The following NFIA variants were observed in gnomAD, a reference collection of about 807,000 sequenced individuals.
The protein encoded by NFIA is nuclear factor I A, also known as nuclear factor 1 A-type.
In NFIA, 8 loss-of-function variants were observed where a neutral mutation model predicts 62.8. The ratio of observed to expected loss-of-function variants is 0.13; its 90% CI spans 0.07 to 0.23. NFIA has a LOEUF of 0.23. NFIA is among the 10% of genes least tolerant of loss of function. NFIA has a pLI of 1.00. For synonymous variants in NFIA, 235 were observed against 238.1 expected, an observed-to-expected ratio of 0.99 and a Z score of 0.12; for missense variants, 410 against 642.1, an observed-to-expected ratio of 0.64 and a Z score of 3.91.
intron 6 of NFIA, among the ~76,000 whole-genome samples, chr1:61,372,484 TAGAC>T (rs1176746953): frequency 3.4e-4 from 51 of 152,100 alleles, no homozygotes; most frequent in East Asian, 7.7e-4. Flanking sequence ...TTAACATAAT[TAGAC>T]AGACACCATC....
At chr1:61,285,494 G>T (rs1353752583) in intron 3 of NFIA, among the ~76,000 whole-genome samples, 1 of 152,170 alleles carries the variant, frequency 6.6e-6, no homozygotes, top group Non-Finnish European at 1.5e-5. Context: ...AATCCAGATT[G>T]ATTAGTTGCC....
chr1:61,250,031 G>A (rs1364047975), intron 2 of NFIA: 2 of 152,162 alleles, frequency 1.3e-5, no homozygotes. Flanking sequence ...TGCACAGAAA[G>A]CATATGGAAG....
chr1:61,157,368 A>T (rs894704873), intron 2 of NFIA, among the ~76,000 whole-genome samples: 1 of 152,180 alleles, frequency 6.6e-6, no homozygotes, highest in African/African-American at 2.4e-5. Flanking sequence ...GGTGATGTTT[A>T]CAACAGTTCA....
intron 2 of NFIA, among the ~76,000 whole-genome samples, chr1:61,092,791 G>C (rs1175491082): frequency 6.6e-6 from 1 of 152,166 alleles, no homozygotes; most frequent in Non-Finnish European, 1.5e-5. Context: ...TATGCAGATA[G>C]ACCAGATGGT....
At chr1:61,139,878 CAAA>C (rs35520094) in intron 2 of NFIA, among the ~76,000 whole-genome samples, 2 of 74,118 alleles carry the variant, frequency 2.7e-5, no homozygotes, top group African/African-American at 4.9e-5. Flanking sequence ...GGGAATTTAC[CAAA>C]AAAAAAAAAA....
chr1:61,385,003 G>A (rs369278236), intron 7 of NFIA, among the ~76,000 whole-genome samples: 6 of 152,084 alleles, frequency 3.9e-5, no homozygotes, highest in South Asian at 2.1e-4. Flanking sequence ...AGGCCAAGGC[G>A]GGCAGATCAC....
intron 2 of NFIA, among the ~76,000 whole-genome samples, chr1:61,183,610 C>T (rs1310953461): frequency 1.3e-5 from 2 of 152,192 alleles, no homozygotes; most frequent in Non-Finnish European, 2.9e-5. Context: ...GCACTTGCTC[C>T]TTTGGCCCCC....
rs1168418711 is a variant in NFIA, at chr1:61,225,142, T to C, written c.560-52378T>C. On this transcript the variant is annotated intron_variant, in intron 2 of 10. Transcript: ENST00000403491. ...TCACTTATATATTTTGTTTTTTGTT[T>C]TTTTAAAAAACAAAAAAAAAAGTCT... Among the ~76,000 whole-genome samples, 3 of 151,248 alleles carry C rather than the reference T, an allele frequency of 2.0e-5. No homozygotes were observed. The South Asian group carries it at 6.2e-4, about 31-fold the overall frequency.
intron 2 of NFIA, among the ~76,000 whole-genome samples, chr1:61,183,935 G>GTCCTGACA (rs544288738): frequency 6.3e-4 from 96 of 152,026 alleles, no homozygotes; most frequent in African/African-American, 2.3e-3. Flanking sequence ...AAGAGAGGAC[G>GTCCTGACA]TCCTGACATT....
Position 61,399,873 on chromosome 1 carries a change from A to G in NFIA, c.1076-4231A>G, listed in dbSNP as rs898129581. On this transcript the variant is annotated intron_variant, in intron 7 of 10. Coordinates refer to ENST00000403491, the MANE Select transcript of NFIA (RefSeq NM_001134673.4). ...CAGACCAAGAATCACTGGTTGTATT[A>G]TAGAAGTCTTGCAACATATCCAATA... Among the ~76,000 whole-genome samples, 13 of 152,360 alleles carry G rather than the reference A, an allele frequency of 8.5e-5. No individual in the cohort carries two copies. In the South Asian group the frequency reaches 1.7e-3, roughly 19 times the overall value.
At chr1:61,135,314 T>C (rs1361125715) in intron 2 of NFIA, among the ~76,000 whole-genome samples, 1 of 152,266 alleles carries the variant, frequency 6.6e-6, no homozygotes, top group Non-Finnish European at 1.5e-5. Flanking sequence ...AAGGTCGTGC[T>C]ACTGGGTTCT....
At chr1:61,278,412 C>G (rs17121907) in intron 3 of NFIA, among the ~76,000 whole-genome samples, 7,325 of 152,118 alleles carry the variant, frequency 0.048, 580 homozygotes, top group African/African-American at 0.16. Context: ...CCAAAATGTT[C>G]TTCTTTGCTG....
At chr1:61,315,683 T>G (rs1660332117) in intron 3 of NFIA, among the ~76,000 whole-genome samples, 1 of 152,124 alleles carries the variant, frequency 6.6e-6, no homozygotes, top group African/African-American at 2.4e-5. Context: ...AGGCACTCAT[T>G]GGAATTCATG....
intron 2 of NFIA, among the ~76,000 whole-genome samples, chr1:61,179,043 C>T (rs570444080): frequency 5.3e-5 from 8 of 152,326 alleles, no homozygotes; most frequent in Non-Finnish European, 1.0e-4. Context: ...GTCCCCTGCC[C>T]TTTCAGCCTG....
chr1:61,270,851 C>T (rs1327905502), intron 2 of NFIA, among the ~76,000 whole-genome samples: 1 of 152,100 alleles, frequency 6.6e-6, no homozygotes, highest in Non-Finnish European at 1.5e-5. Flanking sequence ...CAGCAGGCAC[C>T]GCTGTGAACA....
intron 9 of NFIA, among the ~76,000 whole-genome samples, chr1:61,408,603 A>G (rs1665958854): frequency 6.6e-6 from 1 of 152,180 alleles, no homozygotes; most frequent in Non-Finnish European, 1.5e-5. Context: ...CCGTGGAAAC[A>G]GATCCTCACC....
At chr1:61,096,778 C>G (rs553728803) in intron 2 of NFIA, among the ~76,000 whole-genome samples, 2 of 150,902 alleles carry the variant, frequency 1.3e-5, no homozygotes, top group Non-Finnish European at 2.9e-5. Flanking sequence ...GACTCGAACT[C>G]CTGACTTTGT....
At chr1:61,077,978 C>G (rs1437903002), upstream of NFIA, among the ~76,000 whole-genome samples, 1 of 151,354 alleles carries the variant, frequency 6.6e-6, no homozygotes, top group Non-Finnish European at 1.5e-5. Flanking sequence ...CTGTAAAAGA[C>G]GTCTGGCCTC....
intron 3 of NFIA, 111 bp from the exon 4 acceptor site, chr1:61,332,401 A>C: frequency 1.0e-6 from 1 of 973,182 alleles, no homozygotes; most frequent in South Asian, 1.5e-5. Context: ...AGAGCAGAGA[A>C]TGAGATTAGG....
Sources: allele counts gnomAD v4.1 joint callset (sites outside exome capture counted in the v4.1 genomes callset), GRCh38; gene constraint gnomAD v4.1.1; transcripts MANE v1.5; gene names NCBI Gene and HGNC (gene_info 2026-07-23, HGNC 2026-07-21).